Variants in PSMA1 observed in about 807,000 individuals in gnomAD.
PSMA1 encodes the protein proteasome subunit alpha type-1.
In PSMA1, 3 loss-of-function variants were observed where a neutral mutation model predicts 38.4. The observed-to-expected ratio is 0.08, with a 90% confidence interval of 0.04 to 0.20. PSMA1 has a LOEUF of 0.20. PSMA1 is among the 10% of genes least tolerant of loss of function. PSMA1 has a pLI of 1.00. For synonymous variants in PSMA1, 101 were observed against 107.1 expected (o/e 0.94, Z 0.35); for missense variants, 227 against 325.3 (o/e 0.70, Z 2.32).
chr11:14,591,763 T>C (rs1019768806), intron 2 of PSMA1, among the ~76,000 whole-genome samples: 2 of 152,132 alleles, frequency 1.3e-5, no homozygotes, highest in African/African-American at 2.4e-5. Context: ...ATCAGCGCCC[T>C]GTTAAAACAG....
chr11:14,622,995 A>T (rs1852867726), intron 1 of PSMA1, among the ~76,000 whole-genome samples: 1 of 152,358 alleles, frequency 6.6e-6, no homozygotes, highest in South Asian at 2.1e-4. Context: ...GTGCTTCACC[A>T]TGGGGCACAA....
intron 2 of PSMA1, chr11:14,610,895 G>T: frequency 6.6e-7 from 1 of 1,505,750 alleles, no homozygotes; most frequent in Non-Finnish European, 9.2e-7. Flanking sequence ...GTTTTGTTTT[G>T]TGGGGGCTCA....
chr11:14,534,813 G>A lies in PSMA1; in HGVS notation c.22-15772C>T, dbSNP rs1851684835. The stretch of plus-strand genomic sequence containing the variant: ...CTGCTTATAGGAGGCCAGGTGCGGT[G>A]GCTCACGCCTGTAATCCCAGCACTT... On this transcript the variant is annotated intron_variant, in intron 2 of 10. Transcript: ENST00000418988. This position sits in a 1 kb window ranked among gnomAD's most constrained non-coding sequence, Gnocchi z 4.5. Among the ~76,000 whole-genome samples the A allele has an allele frequency of 6.6e-6, 1 of 152,194 alleles. No individual in the cohort carries two copies. The highest frequency in any genetic ancestry group is 1.5e-5 in the Non-Finnish European group (1 of 68,026).
In PSMA1 at chr11:14,514,230, T is replaced by C. The variant is rs1303055338; in HGVS notation, c.343+173A>G. ...ATTTTCCTGAAGTTGGGCTTATTTGTGTCTAGCAAATATAAATTGCTTATA... is the reference window on the plus strand; with the variant it reads ...ATTTTCCTGAAGTTGGGCTTATTTGCGTCTAGCAAATATAAATTGCTTATA... On this transcript the variant is annotated intron_variant, in intron 5 of 9. Transcript: ENST00000396394. 1.2e-5 allele frequency: 16 copies of C among 1,359,668 alleles called. No individual in the cohort carries two copies. The East Asian group carries it at 4.0e-4, about 34-fold the overall frequency. 84.2% of individuals were successfully genotyped at this position (1,359,668 alleles called of 1,614,324 possible). A position where few individuals can be genotyped will look rare whatever the true frequency, so the allele number is the denominator to read the frequency against.
intron 2 of PSMA1, among the ~76,000 whole-genome samples, chr11:14,600,121 G>A (rs560338192): frequency 2.0e-4 from 31 of 152,196 alleles, no homozygotes; most frequent in East Asian, 5.8e-4. Context: ...TGGAAGCTTC[G>A]TCCCAGAGAG....
intron 2 of PSMA1, among the ~76,000 whole-genome samples, chr11:14,533,569 T>C (rs1851671647): frequency 7.3e-6 from 1 of 136,364 alleles, no homozygotes; most frequent in Non-Finnish European, 1.5e-5. Context: ...AGTTTTTTTC[T>C]TTTTTCTTTT....
intron 1 of PSMA1, among the ~76,000 whole-genome samples, chr11:14,626,194 G>C (rs1852910041): frequency 6.6e-6 from 1 of 150,412 alleles, no homozygotes; most frequent in Non-Finnish European, 1.5e-5. Context: ...CTTTTGTACA[G>C]TCTGGCAGTC....
chr11:14,566,865 G>A (rs958808590), intron 2 of PSMA1, among the ~76,000 whole-genome samples: 2 of 152,152 alleles, frequency 1.3e-5, no homozygotes, highest in Non-Finnish European at 1.5e-5. Flanking sequence ...CAAACCCTCA[G>A]GAGAGAGTCA....
chr11:14,594,827 G>A (rs746051503), intron 2 of PSMA1, among the ~76,000 whole-genome samples: 2 of 151,978 alleles, frequency 1.3e-5, no homozygotes, highest in Non-Finnish European at 2.9e-5. Context: ...TGATACATAG[G>A]TATACATGTG....
At chr11:14,571,489 G>A (rs1852139627) in intron 2 of PSMA1, among the ~76,000 whole-genome samples, 1 of 151,980 alleles carries the variant, frequency 6.6e-6, no homozygotes, top group Non-Finnish European at 1.5e-5. Context: ...CACCAGGCCT[G>A]CCTTATAAGA....
exon 2 of PSMA1, chr11:14,611,043 G>A (rs1852702846): frequency 6.4e-7 from 1 of 1,567,358 alleles, no homozygotes; most frequent in Non-Finnish European, 8.8e-7. Flanking sequence ...GTCTGGATTT[G>A]ACTTGTCATT....
At chr11:14,608,341 C>T (rs572453757) in intron 2 of PSMA1, among the ~76,000 whole-genome samples, 1 of 151,374 alleles carries the variant, frequency 6.6e-6, no homozygotes, top group Non-Finnish European at 1.5e-5. Flanking sequence ...ACAGCGAGAC[C>T]CTGTCTCTAT....
At chr11:14,536,884 G>A (rs1354322819) in intron 2 of PSMA1, among the ~76,000 whole-genome samples, 1 of 152,222 alleles carries the variant, frequency 6.6e-6, no homozygotes, top group African/African-American at 2.4e-5. Flanking sequence ...CGAAGTGCTG[G>A]GATTACAGGC....
intron 1 of PSMA1, among the ~76,000 whole-genome samples, chr11:14,633,909 C>A (rs375402645): frequency 1.4e-3 from 207 of 152,254 alleles, no homozygotes; most frequent in African/African-American, 4.6e-3. Flanking sequence ...TTCCAGGTGC[C>A]GTCTGTCACC....
chr11:14,640,681 G>A (rs1853188218), intron 1 of PSMA1, among the ~76,000 whole-genome samples: 1 of 152,166 alleles, frequency 6.6e-6, no homozygotes, highest in African/African-American at 2.4e-5. Flanking sequence ...ACTGCACACA[G>A]AAAACAATGA....
chr11:14,637,084 A>G (rs1853120722), intron 1 of PSMA1, among the ~76,000 whole-genome samples: 3 of 152,186 alleles, frequency 2.0e-5, no homozygotes, highest in Admixed American at 2.0e-4. Flanking sequence ...CCTACAGAAT[A>G]AAGTCCAGGT....
chr11:14,630,238 A>G (rs375400718), intron 1 of PSMA1, among the ~76,000 whole-genome samples: 100 of 150,876 alleles, frequency 6.6e-4, no homozygotes, highest in African/African-American at 2.1e-3. Context: ...TCCCTGTCTT[A>G]TGCCAGTTTT....
chr11:14,552,079 G>A (rs1242021820), intron 2 of PSMA1, among the ~76,000 whole-genome samples: 1 of 152,142 alleles, frequency 6.6e-6, no homozygotes, highest in Non-Finnish European at 1.5e-5. Flanking sequence ...TTTCTTGGAG[G>A]GTTGAGACAG....
chr11:14,541,516 T>C (rs1017952656), intron 2 of PSMA1, among the ~76,000 whole-genome samples: 1 of 152,226 alleles, frequency 6.6e-6, no homozygotes, highest in Non-Finnish European at 1.5e-5. Context: ...AGTTCAGCTT[T>C]CTTGTCCTCT....
Sources: allele counts gnomAD v4.1 joint callset (sites outside exome capture counted in the v4.1 genomes callset), GRCh38; gene constraint gnomAD v4.1.1; non-coding constraint Gnocchi (gnomAD v3.1); transcripts MANE v1.5; gene names NCBI Gene and HGNC (gene_info 2026-07-23, HGNC 2026-07-21).